The following SHTN1 variants were observed in gnomAD, a reference collection of about 807,000 sequenced individuals.
SHTN1 encodes shootin 1, also known as shootin-1.
In SHTN1, 42 loss-of-function variants were observed where a neutral mutation model predicts 83.1. The observed-to-expected ratio is 0.51, with a 90% confidence interval of 0.39 to 0.65. The LOEUF (loss-of-function observed/expected upper bound fraction) is 0.65, where lower values mean the gene tolerates loss of function less well. Among genes scored for constraint, SHTN1 ranks in the 30% least tolerant of loss-of-function variants. The pLI is 0.00. For synonymous variants in SHTN1, 224 were observed against 247.7 expected (o/e 0.90, Z 0.90); for missense variants, 622 against 737.8 (o/e 0.84, Z 1.82).
intron 16 of SHTN1, among the ~76,000 whole-genome samples, chr10:116,894,805 T>C (rs1317857467): frequency 2.0e-5 from 3 of 152,158 alleles, no homozygotes; most frequent in Non-Finnish European, 4.4e-5. Context: ...AAAGCTCAAT[T>C]CAGACAAGCA....
chr10:116,899,349 G>C (rs374711600), intron 16 of SHTN1, among the ~76,000 whole-genome samples: 1 of 152,142 alleles, frequency 6.6e-6, no homozygotes, highest in South Asian at 2.1e-4. Context: ...GCCTCATAGA[G>C]AAGATAACAT....
intron 2 of SHTN1, among the ~76,000 whole-genome samples, chr10:117,025,252 T>C (rs2133567552): frequency 6.6e-6 from 1 of 152,268 alleles, no homozygotes; most frequent in Non-Finnish European, 1.5e-5. Flanking sequence ...AGTGTTTCTG[T>C]GTCCCATGGA....
At chr10:117,074,497 C>T (rs61873036) in intron 1 of SHTN1, among the ~76,000 whole-genome samples, 9,986 of 152,122 alleles carry the variant, frequency 0.066, 473 homozygotes, top group Non-Finnish European at 0.093. Context: ...GGAGATAATC[C>T]ATAACTTTCA....
intron 14 of SHTN1, chr10:116,908,000 T>G (rs1180382763): frequency 2.1e-6 from 1 of 466,248 alleles, no homozygotes; most frequent in Admixed American, 2.3e-5. Context: ...TTCTTTAGCA[T>G]GTAAAACAAA....
chr10:117,071,291 C>G (rs1853078020), intron 1 of SHTN1, among the ~76,000 whole-genome samples: 2 of 151,554 alleles, frequency 1.3e-5, no homozygotes, highest in Non-Finnish European at 2.9e-5. Context: ...TCAGAATCTC[C>G]TGTGTAACTA....
Position 116,940,318 on chromosome 10 carries a change from A to G in SHTN1, c.858+148T>C, listed in dbSNP as rs901453973. The G allele has an allele frequency of 6.1e-6, 4 of 657,474 alleles. No homozygotes were observed. In the African/African-American group the frequency reaches 7.4e-5, roughly 12 times the overall value. The allele number at this position is 657,474 out of a possible 1,614,324, so 40.7% of individuals were successfully genotyped here. On this transcript the variant is annotated intron_variant, in intron 9 of 16. Transcript: ENST00000355371. ...TAAGTTCATTTAGTTATTTTTTTCTAAAAGGTGGTTGAAAGCACTTAGTAA... is the reference window on the plus strand; with the variant it reads ...TAAGTTCATTTAGTTATTTTTTTCTGAAAGGTGGTTGAAAGCACTTAGTAA...
At chr10:117,054,059 G>A (rs1298978380) in intron 1 of SHTN1, among the ~76,000 whole-genome samples, 5 of 152,152 alleles carry the variant, frequency 3.3e-5, no homozygotes, top group Admixed American at 1.3e-4. Context: ...ACAGATAGCA[G>A]ATTAGTGATT....
At chr10:116,999,120 C>A (rs1266327325) in intron 1 of SHTN1, among the ~76,000 whole-genome samples, 3 of 152,100 alleles carry the variant, frequency 2.0e-5, no homozygotes, top group Non-Finnish European at 4.4e-5. Context: ...TGAGCCAACA[C>A]AACCAGCCCA....
At position 116,887,274 on chromosome 10, in the gene SHTN1, G is replaced by C. The variant is rs934939067; in HGVS notation, c.1674-708C>G. On this transcript the variant is annotated intron_variant, in intron 16 of 16. Coordinates refer to ENST00000355371, the MANE Select transcript of SHTN1 (RefSeq NM_001127211.3). ...GACTCCTTCTCTCGTCTCTTCTGCT[G>C]CAAGAAGCTATGGCTTCTCAGGCTG... 6.6e-5 allele frequency among the ~76,000 whole-genome samples: 10 copies of C among 152,310 alleles called. No homozygotes were observed. The South Asian group carries it at 1.9e-3, about 28-fold the overall frequency.
At chr10:117,118,645 A>T (rs1853883883) in intron 1 of SHTN1, among the ~76,000 whole-genome samples, 1 of 152,168 alleles carries the variant, frequency 6.6e-6, no homozygotes, top group African/African-American at 2.4e-5. Context: ...ACATGAAATC[A>T]ACCTAAGTAC....
chr10:116,914,621 G>A (rs1181076470), intron 13 of SHTN1, among the ~76,000 whole-genome samples: 1 of 152,104 alleles, frequency 6.6e-6, no homozygotes, highest in Non-Finnish European at 1.5e-5. Flanking sequence ...AGGAAGAAGA[G>A]GAAGTGGAGG....
chr10:116,977,298 G>C (rs77533300), intron 2 of SHTN1, among the ~76,000 whole-genome samples: 232 of 152,058 alleles, frequency 1.5e-3, no homozygotes, highest in African/African-American at 5.2e-3. Flanking sequence ...ACAACTGTTT[G>C]CTTTCCCTTC....
chr10:116,930,653 C>G (rs1372821433), intron 9 of SHTN1, among the ~76,000 whole-genome samples: 1 of 152,158 alleles, frequency 6.6e-6, no homozygotes, highest in African/African-American at 2.4e-5. Context: ...GAGGTTGACT[C>G]CATGACTTTG....
chr10:116,972,422 A>G (rs1331395997), intron 2 of SHTN1, among the ~76,000 whole-genome samples: 2 of 152,232 alleles, frequency 1.3e-5, no homozygotes, highest in African/African-American at 4.8e-5. Context: ...GAACTGAGCA[A>G]AATATGGAGG....
chr10:116,940,794 C>T (rs190530220), intron 8 of SHTN1, among the ~76,000 whole-genome samples, 182 bp from the exon 9 acceptor site: 2 of 152,202 alleles, frequency 1.3e-5, no homozygotes, highest in East Asian at 3.9e-4. Flanking sequence ...ATCTTTAATA[C>T]CTTTACTCCT....
At chr10:116,957,773 T>C (rs1338474416) in intron 4 of SHTN1, among the ~76,000 whole-genome samples, 1 of 152,062 alleles carries the variant, frequency 6.6e-6, no homozygotes, top group Non-Finnish European at 1.5e-5. Context: ...TAAGAAAATA[T>C]GAGGAACTGG....
At chr10:117,057,429 C>T (rs943029980) in intron 1 of SHTN1, among the ~76,000 whole-genome samples, 1 of 152,154 alleles carries the variant, frequency 6.6e-6, no homozygotes, top group Non-Finnish European at 1.5e-5. Context: ...TCACGGATTG[C>T]TGCTTTTGAT....
intron 2 of SHTN1, among the ~76,000 whole-genome samples, chr10:117,046,863 G>T (rs1852670857): frequency 6.6e-6 from 1 of 152,062 alleles, no homozygotes; most frequent in African/African-American, 2.4e-5. Context: ...AATGAGAAAT[G>T]ACTGAGAGTG....
chr10:117,105,846 T>G (rs1323465503), intron 1 of SHTN1, among the ~76,000 whole-genome samples: 1 of 152,074 alleles, frequency 6.6e-6, no homozygotes, highest in African/African-American at 2.4e-5. Flanking sequence ...AGTGAAACCC[T>G]GTCTCTACAA....
Sources: allele counts gnomAD v4.1 joint callset (sites outside exome capture counted in the v4.1 genomes callset), GRCh38; gene constraint gnomAD v4.1.1; transcripts MANE v1.5; gene names NCBI Gene and HGNC (gene_info 2026-07-23, HGNC 2026-07-21).